The following PDLIM4 variants were observed in gnomAD, a reference collection of about 807,000 sequenced individuals.
PDLIM4 encodes the protein PDZ and LIM domain protein 4.
A neutral mutation model predicts 31.3 loss-of-function variants in PDLIM4; 19 were observed. The ratio of observed to expected loss-of-function variants is 0.61; its 90% confidence interval spans 0.42 to 0.89. PDLIM4 has a LOEUF of 0.89. Ranked by LOEUF, PDLIM4 falls within the 40% of genes least tolerant of loss-of-function variation. The pLI is 0.00. For missense variants in PDLIM4, 442 were observed against 461.1 expected, an observed-to-expected ratio of 0.96 and a Z score of 0.38; for synonymous variants, 176 against 190.1, an observed-to-expected ratio of 0.93 and a Z score of 0.61.
At chr5:132,263,845 G>A (rs1173370837) in intron 2 of PDLIM4, among the ~76,000 whole-genome samples, 2 of 152,186 alleles carry the variant, frequency 1.3e-5, no homozygotes, top group African/African-American at 2.4e-5. Context: ...CCTGGCACAC[G>A]GTGAGGATGC....
At chr5:132,260,190 C>T (rs1390436503) in intron 1 of PDLIM4, among the ~76,000 whole-genome samples, 1 of 152,166 alleles carries the variant, frequency 6.6e-6, no homozygotes, top group Non-Finnish European at 1.5e-5. Flanking sequence ...GACTCCCAGC[C>T]CACCACATCT....
At chr5:132,266,655 C>T in intron 3 of PDLIM4, 110 bp downstream of exon 3, 1 of 652,906 alleles carries the variant, frequency 1.5e-6, no homozygotes, top group Non-Finnish European at 2.6e-6. Flanking sequence ...TCTCAGATAC[C>T]CAAGACAGAG....
chr5:132,262,379 A>G (rs1048921405), intron 1 of PDLIM4, among the ~76,000 whole-genome samples: 1 of 152,144 alleles, frequency 6.6e-6, no homozygotes, highest in East Asian at 1.9e-4. Context: ...CCCTTCTCGT[A>G]TATCCTCATG....
chr5:132,270,701 G>A lies in PDLIM4; in HGVS notation c.328-214G>A, dbSNP rs758024004. 3.9e-5 allele frequency among the ~76,000 whole-genome samples: 6 copies of A among 152,336 alleles called. 1 individual carries two copies. The highest frequency in any genetic ancestry group is 4.1e-4 in the South Asian group (2 of 4,822). Reference sequence around the variant, plus strand: ...TTTTTGTGTCTGACTTTCCAAGGACGTTTCTCATTTCTGCAGGGGCATAAC... The same window carrying A: ...TTTTTGTGTCTGACTTTCCAAGGACATTTCTCATTTCTGCAGGGGCATAAC... On this transcript the variant is annotated intron_variant, in intron 3 of 6. Coordinates refer to ENST00000253754, the MANE Select transcript of PDLIM4 (RefSeq NM_003687.4).
chr5:132,264,607 C>A (rs1227255008), intron 2 of PDLIM4, among the ~76,000 whole-genome samples: 1 of 125,968 alleles, frequency 7.9e-6, no homozygotes, highest in Non-Finnish European at 1.7e-5. Context: ...CATGCAGACT[C>A]TGGGGGATCA....
At chr5:132,260,565 C>A (rs1219824239) in intron 1 of PDLIM4, among the ~76,000 whole-genome samples, 2 of 152,206 alleles carry the variant, frequency 1.3e-5, no homozygotes, top group African/African-American at 4.8e-5. Flanking sequence ...ACATGCTGGT[C>A]CTTCTGCCTG....
intron 1 of PDLIM4, among the ~76,000 whole-genome samples, chr5:132,258,401 A>G (rs1375562382): frequency 6.6e-6 from 1 of 152,194 alleles, no homozygotes; most frequent in Non-Finnish European, 1.5e-5. Flanking sequence ...TCCAGGGGAA[A>G]GGGAGACTTA....
intron 3 of PDLIM4, among the ~76,000 whole-genome samples, chr5:132,267,724 G>A (rs1756521163): frequency 6.6e-6 from 1 of 152,188 alleles, no homozygotes; most frequent in African/African-American, 2.4e-5. Context: ...GGACAAGATG[G>A]AAGGAGTGAG....
Position 132,271,390 on chromosome 5 carries a change from C to T in PDLIM4, c.594C>T (p.Ala198=), listed in dbSNP as rs140051110. The change falls in exon 5 of 7, where the codon GCC becomes GCT. Residue 198 remains alanine (A), a synonymous_variant. Coordinates refer to ENST00000253754, the MANE Select transcript of PDLIM4 (RefSeq NM_003687.4). The stretch of plus-strand genomic sequence containing the variant: ...TGTACAGGATGCTGCGGGAGCCAGC[C>T]GAGCCCGTGGCCGCGGAGCCCAAGC... The part of the protein sequence containing the change: ...SEVYRMLREP[A]EPVAAEPKQS... 69 of 1,607,612 alleles carry T rather than the reference C, an allele frequency of 4.3e-5. No individual in the cohort carries two copies. In the African/African-American group the frequency reaches 7.3e-4, roughly 17 times the overall value.
chr5:132,269,538 G>T (rs1479952299), intron 3 of PDLIM4, among the ~76,000 whole-genome samples: 1 of 151,602 alleles, frequency 6.6e-6, no homozygotes, highest in Admixed American at 6.6e-5. Flanking sequence ...CCTCCTGTTT[G>T]TCTGTTGGGG....
intron 5 of PDLIM4, 32 bp downstream of exon 5, chr5:132,271,498 T>C: frequency 6.2e-7 from 1 of 1,603,638 alleles, no homozygotes; most frequent in South Asian, 1.1e-5. Flanking sequence ...CCCATCTGCC[T>C]TCCCACTCCC....
rs144040231 is a variant in PDLIM4 at position 132,270,546 on chromosome 5, T to C, written c.328-369T>C. On this transcript the variant is annotated intron_variant, in intron 3 of 6. Coordinates refer to ENST00000253754, the MANE Select transcript of PDLIM4 (RefSeq NM_003687.4). The stretch of plus-strand genomic sequence containing the variant: ...GGGCCACCTCTGCCAGGAGGCCACA[T>C]ACTCTGCTGTAGCCACACAGACCTT... 219 of 276,068 alleles carry C rather than the reference T, an allele frequency of 7.9e-4. 1 individual carries two copies. The highest frequency in any genetic ancestry group is 4.3e-3 in the African/African-American group (203 of 46,726). 17.1% of individuals were successfully genotyped at this position (276,068 alleles called of 1,614,324 possible). A position where few individuals can be genotyped will look rare whatever the true frequency, so the allele number is the denominator to read the frequency against.
At chr5:132,266,688 G>A (rs1756499320) in intron 3 of PDLIM4, 143 bp downstream of exon 3, 1 of 561,826 alleles carries the variant, frequency 1.8e-6, no homozygotes, top group East Asian at 3.0e-5. Flanking sequence ...GTTTTCTCTG[G>A]ACCACATCCA....
intron 3 of PDLIM4, among the ~76,000 whole-genome samples, chr5:132,268,818 AC>A (rs932551201): frequency 5.9e-5 from 9 of 152,014 alleles, no homozygotes; most frequent in Non-Finnish European, 1.0e-4. Context: ...GCAGGTAGTT[AC>A]CCCCATCCTG....
In PDLIM4 at chr5:132,271,346, G is replaced by T; in HGVS notation, c.550G>T (p.Val184Phe). ...CCTCCCGCGGAGCCGGGACTGCAGA[G>T]TCGACCTGGGCTCCGAGGTGTACAG... is the stretch of plus-strand genomic sequence containing the variant. ...RGLPRSRDCR[V>F]DLGSEVYRML... is the part of the protein sequence containing the mutation. Residue 184 changes from valine (V) to phenylalanine (F), a missense_variant, in exon 5 of 7, where the codon GTC (valine) becomes TTC (phenylalanine). Val to Phe is a conservative substitution (Grantham distance 50, BLOSUM62 -1). Coordinates refer to ENST00000253754, the MANE Select transcript of PDLIM4 (RefSeq NM_003687.4). 6.2e-7 allele frequency: 1 copy of T among 1,602,860 alleles called. No homozygotes were observed. The highest frequency in any genetic ancestry group is 2.2e-5 in the East Asian group (1 of 44,764).
At chr5:132,268,757 C>T (rs1304250233) in intron 3 of PDLIM4, among the ~76,000 whole-genome samples, 2 of 152,288 alleles carry the variant, frequency 1.3e-5, no homozygotes, top group Non-Finnish European at 2.9e-5. Context: ...GGAGATGGCA[C>T]CTGCTCATCT....
chr5:132,271,196 G>T, intron 4 of PDLIM4, 103 bp downstream of exon 4: 2 of 1,488,410 alleles, frequency 1.3e-6, no homozygotes, highest in South Asian at 2.5e-5. Flanking sequence ...TTGATCCTTG[G>T]GTCTTAGCTG....
chr5:132,270,797 G>A, intron 3 of PDLIM4, 118 bp from the exon 4 acceptor site: 2 of 867,094 alleles, frequency 2.3e-6, no homozygotes, highest in Non-Finnish European at 1.9e-6. Context: ...AGATGCCGAA[G>A]CAGAGGAAGC....
intron 2 of PDLIM4, among the ~76,000 whole-genome samples, chr5:132,265,181 G>A (rs1205159079): frequency 6.6e-6 from 1 of 152,176 alleles, no homozygotes; most frequent in East Asian, 1.9e-4. Flanking sequence ...CTGGGATGGG[G>A]GTTGACACAT....
Sources: allele counts gnomAD v4.1 joint callset (sites outside exome capture counted in the v4.1 genomes callset), GRCh38; gene constraint gnomAD v4.1.1; transcripts MANE v1.5; gene names NCBI Gene and HGNC (gene_info 2026-07-23, HGNC 2026-07-21).